EXT1: variants seen among roughly 807,000 people sequenced by gnomAD.
EXT1 encodes exostosin glycosyltransferase 1.
EXT1 carries 20 observed loss-of-function variants against 82.5 expected under a neutral mutation model. That is an observed-to-expected ratio of 0.24 (90% confidence interval 0.17 to 0.35). EXT1 has a LOEUF of 0.35. Among genes scored for constraint, EXT1 ranks in the 10% least tolerant of loss-of-function variants. The pLI is 1.00. For synonymous variants in EXT1, 348 were observed against 350.8 expected, an observed-to-expected ratio of 0.99 and a Z score of 0.09; for missense variants, 757 against 936.5, an observed-to-expected ratio of 0.81 and a Z score of 2.50.
intron 1 of EXT1, among the ~76,000 whole-genome samples, chr8:117,953,044 C>G (rs1814521339): frequency 6.6e-6 from 1 of 151,952 alleles, no homozygotes; most frequent in Non-Finnish European, 1.5e-5. Context: ...AATTAATTTG[C>G]CTTTCTTCTT....
At chr8:118,093,632 G>C (rs1169134152) in intron 1 of EXT1, among the ~76,000 whole-genome samples, 2 of 152,168 alleles carry the variant, frequency 1.3e-5, no homozygotes, top group African/African-American at 4.8e-5. Context: ...GATCACATCT[G>C]GATTTGGTGG....
chr8:118,047,607 C>G (rs1420779051), intron 1 of EXT1, among the ~76,000 whole-genome samples: 1 of 152,166 alleles, frequency 6.6e-6, no homozygotes, highest in Non-Finnish European at 1.5e-5. Context: ...ATCTCACTCA[C>G]AATTATCTCT....
intron 4 of EXT1, among the ~76,000 whole-genome samples, chr8:117,829,731 G>A (rs979757904): frequency 6.6e-6 from 1 of 151,754 alleles, no homozygotes. Context: ...GTGCCACCAT[G>A]CCTGGCTAAT....
At chr8:118,097,076 T>A (rs1817632749) in intron 1 of EXT1, among the ~76,000 whole-genome samples, 1 of 152,110 alleles carries the variant, frequency 6.6e-6, no homozygotes, top group Admixed American at 6.5e-5. Context: ...TCCCTCCATA[T>A]TTAAAGCTGC....
At chr8:117,820,650 T>A (rs897439074) in intron 5 of EXT1, among the ~76,000 whole-genome samples, 3 of 151,388 alleles carry the variant, frequency 2.0e-5, no homozygotes, top group Non-Finnish European at 2.9e-5. Context: ...ATGGTGCCGA[T>A]GGTGCCACTA....
intron 1 of EXT1, among the ~76,000 whole-genome samples, chr8:117,855,853 A>G (rs926455863): frequency 6.6e-6 from 1 of 152,062 alleles, no homozygotes; most frequent in Non-Finnish European, 1.5e-5. Flanking sequence ...TATTTTTAGT[A>G]GAGACAGGGT....
chr8:117,857,527 A>T (rs1169720667), intron 1 of EXT1, among the ~76,000 whole-genome samples: 1 of 116,330 alleles, frequency 8.6e-6, no homozygotes, highest in Non-Finnish European at 1.7e-5. Flanking sequence ...ACACGGCAAG[A>T]CTTCCCCCCG....
chr8:117,807,219 G>T lies in EXT1; in HGVS notation c.1881C>A (p.His627Gln), dbSNP rs772344042. The change falls in exon 9 of 11, where the codon CAC (histidine) becomes CAA (glutamine). Residue 627 changes from histidine to glutamine, a missense_variant and splice_region_variant. This residue lies in a region of EXT1 where 128 missense variants were observed against 223.2 expected (regional missense o/e 0.57). Coordinates refer to ENST00000378204, the MANE Select transcript of EXT1 (RefSeq NM_000127.3). Reference protein sequence around the residue: ...SMVLTGAAIYHKYYHYLYSHY... With the variant: ...SMVLTGAAIYQKYYHYLYSHY... ...AGAGACATGTCCAGATTCCTCACTT[G>T]TGGTAAATAGCAGCTCCTGTCAACA... is the stretch of plus-strand genomic sequence containing the variant. 2 of 1,614,076 alleles carry T rather than the reference G, an allele frequency of 1.2e-6. No individual in the cohort carries two copies. Among genetic ancestry groups the T allele is most frequent in the Non-Finnish European group, 1.7e-6 (2 of 1,180,030 alleles).
At chr8:118,050,100 A>G (rs1275012409) in intron 1 of EXT1, among the ~76,000 whole-genome samples, 1 of 152,228 alleles carries the variant, frequency 6.6e-6, no homozygotes, top group African/African-American at 2.4e-5. Flanking sequence ...TTTATGGAGG[A>G]AAAGACACTA....
At chr8:117,908,327 A>G (rs1813579652) in intron 1 of EXT1, among the ~76,000 whole-genome samples, 1 of 152,184 alleles carries the variant, frequency 6.6e-6, no homozygotes, top group Non-Finnish European at 1.5e-5. Flanking sequence ...ATAGGGTCAG[A>G]CAATGATAAA....
intron 1 of EXT1, among the ~76,000 whole-genome samples, chr8:118,005,170 C>A (rs1815747749): frequency 6.6e-6 from 1 of 152,132 alleles, no homozygotes. Flanking sequence ...GTTAAAGGGC[C>A]CAGCCTCAGA....
chr8:117,888,265 T>C lies in EXT1; in HGVS notation c.963-51064A>G, dbSNP rs577458391. ...TTTCACAGAGGTTATCATTTTATGCTATAATGAACTGTGTCAAGATTATGG... is the reference window on the plus strand; with the variant it reads ...TTTCACAGAGGTTATCATTTTATGCCATAATGAACTGTGTCAAGATTATGG... On this transcript the variant is annotated intron_variant, in intron 1 of 10. Coordinates refer to ENST00000378204, the MANE Select transcript of EXT1 (RefSeq NM_000127.3). Among the ~76,000 whole-genome samples, 4 of 152,180 alleles carry C rather than the reference T, an allele frequency of 2.6e-5. No homozygotes were observed. The South Asian group carries it at 8.3e-4, about 32-fold the overall frequency.
chr8:117,965,104 G>A (rs1297447352), intron 1 of EXT1, among the ~76,000 whole-genome samples: 1 of 151,796 alleles, frequency 6.6e-6, no homozygotes, highest in Non-Finnish European at 1.5e-5. Flanking sequence ...CCTTCATGTT[G>A]GGCTTGAGAT....
Position 117,937,822 on chromosome 8 carries a change from C to T in EXT1, c.963-100621G>A, listed in dbSNP as rs191435283. Among the ~76,000 whole-genome samples the T allele has an allele frequency of 4.1e-3, 617 of 152,146 alleles. 3 individuals are homozygous for T. The highest frequency in any genetic ancestry group is 7.0e-3 in the Non-Finnish European group (475 of 67,976). ...TGTGTGTGTGTACACACATTGCAGCCCATGGTTTATTAACAGGGCCTAATT... is the reference window on the plus strand; with the variant it reads ...TGTGTGTGTGTACACACATTGCAGCTCATGGTTTATTAACAGGGCCTAATT... On this transcript the variant is annotated intron_variant, in intron 1 of 10. Transcript: ENST00000378204.
In EXT1 at chr8:118,110,773, T is replaced by G; in HGVS notation, c.274A>C (p.Ile92Leu). 1 of 1,614,082 alleles carries G rather than the reference T, an allele frequency of 6.2e-7. No individual in the cohort carries two copies. Among genetic ancestry groups the G allele is most frequent in the Non-Finnish European group, 8.5e-7 (1 of 1,179,972 alleles). ...ATGCGGCACTTCTTGCCTTTGTAGA[T>G]GCTGGAGTTGGCATCTCGCTTCTGC... ...PRQKRDANSS[I>L]YKGKKCRMES... Residue 92 changes from isoleucine (I) to leucine (L), a missense_variant, in exon 1 of 11, where the codon ATC becomes CTC. Physicochemically the swap from Ile to Leu is conservative, Grantham distance 5. Transcript: ENST00000378204.
At chr8:117,962,679 C>T (rs567394913) in intron 1 of EXT1, among the ~76,000 whole-genome samples, 38 of 151,838 alleles carry the variant, frequency 2.5e-4, no homozygotes, top group African/African-American at 7.3e-4. Context: ...CTTGGGGCTG[C>T]GAGACAGAGG....
At chr8:117,925,705 C>CAAAAAAAAAAAAAAAAAGAAAA (rs1813939839) in intron 1 of EXT1, among the ~76,000 whole-genome samples, 1 of 98,632 alleles carries the variant, frequency 1.0e-5, no homozygotes, top group Non-Finnish European at 2.0e-5. Context: ...CCTGTCTCTA[C>CAAAAAAAAAAAAAAAAAGAAAA]AAAAAAAAAA....
chr8:118,026,309 T>G (rs1816200955), intron 1 of EXT1, among the ~76,000 whole-genome samples: 1 of 152,194 alleles, frequency 6.6e-6, no homozygotes, highest in Admixed American at 6.5e-5. Flanking sequence ...ATTCCCAAGA[T>G]GAAAGGCTCA....
intron 1 of EXT1, among the ~76,000 whole-genome samples, chr8:117,848,642 C>T (rs560401865): frequency 6.6e-6 from 1 of 152,190 alleles, no homozygotes; most frequent in East Asian, 1.9e-4. Context: ...CACTGGGACG[C>T]CATGAAGCAA....
Sources: gnomAD v4.1 joint callset for allele counts (sites outside exome capture counted in the v4.1 genomes callset) on GRCh38, gnomAD v4.1.1 for gene constraint, gnomAD v4.1.1 regional missense constraint, MANE v1.5 for transcripts, NCBI Gene and HGNC (gene_info 2026-07-23, HGNC 2026-07-21) for gene names.